CTNND2: variants seen among roughly 807,000 people sequenced by gnomAD.
CTNND2 encodes catenin delta-2.
A neutral mutation model predicts 144.4 loss-of-function variants in CTNND2; 22 were observed. The observed-to-expected ratio is 0.15, with a 90% CI of 0.11 to 0.22. CTNND2 has a LOEUF of 0.22. Ranked by LOEUF, CTNND2 falls within the 10% of genes least tolerant of loss-of-function variation. The pLI is 1.00. For synonymous variants in CTNND2, 751 were observed against 695.6 expected, an observed-to-expected ratio of 1.08 and a Z score of -1.25; for missense variants, 1,353 against 1,618.8, an observed-to-expected ratio of 0.84 and a Z score of 2.82.
intron 1 of CTNND2, among the ~76,000 whole-genome samples, chr5:11,735,462 C>T (rs1787629101): frequency 6.6e-6 from 1 of 152,124 alleles, no homozygotes; most frequent in South Asian, 2.1e-4. Context: ...CCTGAGAAAG[C>T]CGCCGTGACC....
chr5:11,149,082 C>G (rs1757505354), intron 12 of CTNND2, among the ~76,000 whole-genome samples: 1 of 152,204 alleles, frequency 6.6e-6, no homozygotes, highest in African/African-American at 2.4e-5. Flanking sequence ...GCCCTTCAAG[C>G]CCCATCAGGT....
At chr5:11,316,632 C>T (rs1394519337) in intron 9 of CTNND2, among the ~76,000 whole-genome samples, 3 of 151,296 alleles carry the variant, frequency 2.0e-5, no homozygotes, top group Non-Finnish European at 4.4e-5. Context: ...CCAATGCTAT[C>T]CCTCCCCCTT....
intron 8 of CTNND2, among the ~76,000 whole-genome samples, chr5:11,356,153 AC>A (rs1459964064): frequency 1.3e-5 from 2 of 152,076 alleles, no homozygotes; most frequent in Non-Finnish European, 2.9e-5. Context: ...TACAATCCCT[AC>A]CAAAATACCA....
chr5:11,405,949 C>A (rs1581127122), intron 5 of CTNND2, among the ~76,000 whole-genome samples: 1 of 152,012 alleles, frequency 6.6e-6, no homozygotes, highest in Non-Finnish European at 1.5e-5. Flanking sequence ...AGGAGTTCAA[C>A]ACCAGCCTGA....
intron 8 of CTNND2, among the ~76,000 whole-genome samples, chr5:11,353,867 G>T (rs548518113): frequency 1.3e-5 from 2 of 152,034 alleles, no homozygotes; most frequent in South Asian, 4.2e-4. Flanking sequence ...AAATGCAGAA[G>T]AATCTCCTTC....
At chr5:11,870,142 G>A (rs1795960500) in intron 1 of CTNND2, among the ~76,000 whole-genome samples, 1 of 152,174 alleles carries the variant, frequency 6.6e-6, no homozygotes. Context: ...GATAGGGGTT[G>A]GGTCCACGGA....
rs77057888 is a variant in CTNND2 at position 11,658,684 on chromosome 5, T to C, written c.174+73452A>G. 3.2e-3 allele frequency among the ~76,000 whole-genome samples: 493 copies of C among 152,278 alleles called. 12 individuals carry two copies. In the East Asian group the frequency reaches 0.056, roughly 17 times the overall value. ...AGCCCCCTGGCTTCACGCACTCAGC[T>C]TGTAAGCTTTCCATAAACGACAGCT... On this transcript the variant is annotated intron_variant, in intron 2 of 21. Coordinates refer to ENST00000304623, the MANE Select transcript of CTNND2 (RefSeq NM_001332.4).
intron 1 of CTNND2, among the ~76,000 whole-genome samples, chr5:11,762,473 T>C (rs1447552131): frequency 6.6e-6 from 1 of 152,164 alleles, no homozygotes; most frequent in Non-Finnish European, 1.5e-5. Context: ...TATGTGCATA[T>C]GAAACACTTG....
At chr5:11,644,388 G>A (rs190394482) in intron 2 of CTNND2, among the ~76,000 whole-genome samples, 129 of 152,102 alleles carry the variant, frequency 8.5e-4, no homozygotes, top group African/African-American at 2.8e-3. Flanking sequence ...GATACCAAGC[G>A]GCTGTGCCGG....
chr5:11,395,557 T>C (rs762567378), intron 6 of CTNND2, among the ~76,000 whole-genome samples: 8 of 152,254 alleles, frequency 5.3e-5, no homozygotes, highest in Non-Finnish European at 8.8e-5. Context: ...AGCTTTGATA[T>C]CTTTATAACT....
chr5:11,736,269 C>T (rs1271685785), intron 1 of CTNND2, among the ~76,000 whole-genome samples: 1 of 152,166 alleles, frequency 6.6e-6, no homozygotes. Flanking sequence ...AAGGTTTCTC[C>T]TCCGGCACTT....
At chr5:11,014,718 T>G (rs1465706528) in intron 18 of CTNND2, among the ~76,000 whole-genome samples, 1 of 152,066 alleles carries the variant, frequency 6.6e-6, no homozygotes, top group Non-Finnish European at 1.5e-5. Flanking sequence ...CTAGATAACA[T>G]AAAGTAGGTG....
rs1288905519 is a variant in CTNND2, at chr5:11,346,533, G to T, written c.1467C>A (p.Ala489=). The change falls in exon 9 of 22, where the codon GCC becomes GCA. Residue 489 remains alanine, a synonymous_variant. Transcript: ENST00000304623. ...TGGAGGCTGGGCCGGCGGCATAGCT[G>T]GCCCTCTGGAAGGTGGCCGCGGCGG... ...QNAAAATFQR[A]SYAAGPASNY... 6.2e-7 allele frequency: 1 copy of T among 1,605,012 alleles called. No individual in the cohort carries two copies. The highest frequency in any genetic ancestry group is 2.3e-5 in the East Asian group (1 of 43,982).
chr5:11,594,693 C>T (rs559017465), intron 2 of CTNND2, among the ~76,000 whole-genome samples: 2 of 152,138 alleles, frequency 1.3e-5, no homozygotes, highest in Non-Finnish European at 2.9e-5. Flanking sequence ...AACAAATATA[C>T]ACACACAAAC....
At chr5:11,033,184 G>A (rs1347083892) in intron 16 of CTNND2, among the ~76,000 whole-genome samples, 1 of 152,158 alleles carries the variant, frequency 6.6e-6, no homozygotes, top group Non-Finnish European at 1.5e-5. Flanking sequence ...ACAAAAAGGT[G>A]TTAATAAATC....
At position 10,973,801 on chromosome 5, in the gene CTNND2, G is replaced by A. The variant is rs1280264149; in HGVS notation, c.3418-88C>T. The stretch of plus-strand genomic sequence containing the variant: ...CCCCGGCACCCAACTCTCCTTCAAA[G>A]AATAGGCTGTGTATATCCAGGCATT... On this transcript the variant is annotated intron_variant, in intron 21 of 21. Transcript: ENST00000304623. The surrounding 1 kb of genome is among the most constrained non-coding windows in gnomAD (Gnocchi z 5.6). 10 of 1,431,602 alleles carry A rather than the reference G, an allele frequency of 7.0e-6. No individual in the cohort carries two copies. Among genetic ancestry groups the A allele is most frequent in the Middle Eastern group, 2.4e-4 (1 of 4,132 alleles). 88.7% of individuals were successfully genotyped at this position (1,431,602 alleles called of 1,614,324 possible).
At chr5:11,696,785 C>G (rs973660851) in intron 2 of CTNND2, among the ~76,000 whole-genome samples, 1 of 152,270 alleles carries the variant, frequency 6.6e-6, no homozygotes, top group South Asian at 2.1e-4. Context: ...GTATGAACAA[C>G]CAGTAATTAG....
intron 3 of CTNND2, among the ~76,000 whole-genome samples, chr5:11,540,710 A>G (rs1774650624): frequency 6.6e-6 from 1 of 152,120 alleles, no homozygotes; most frequent in Non-Finnish European, 1.5e-5. Flanking sequence ...GGGTTTCACT[A>G]TGTTGGCCAA....
At chr5:11,513,258 G>C (rs896037537) in intron 3 of CTNND2, among the ~76,000 whole-genome samples, 1 of 152,112 alleles carries the variant, frequency 6.6e-6, no homozygotes, top group Non-Finnish European at 1.5e-5. Context: ...ACCTCTCCTT[G>C]TTTTGCTTTT....
Sources: allele counts gnomAD v4.1 joint callset (sites outside exome capture counted in the v4.1 genomes callset), GRCh38; gene constraint gnomAD v4.1.1; non-coding constraint Gnocchi (gnomAD v3.1); transcripts MANE v1.5; gene names NCBI Gene and HGNC (gene_info 2026-07-23, HGNC 2026-07-21).